Variants in NRCAM observed in about 807,000 individuals in gnomAD.
The protein encoded by NRCAM is NgCAM-related cell adhesion molecule.
A neutral mutation model predicts 156.5 loss-of-function variants in NRCAM; 83 were observed. That is an observed-to-expected ratio of 0.53 (90% CI 0.44 to 0.64). The LOEUF (loss-of-function observed/expected upper bound fraction) is 0.64. Ranked by LOEUF, NRCAM falls within the 30% of genes least tolerant of loss-of-function variation. The pLI is 0.00. For synonymous variants in NRCAM, 538 were observed against 563.9 expected (o/e 0.95, Z 0.65); for missense variants, 1,417 against 1,597.3 (o/e 0.89, Z 1.92).
At chr7:108,392,603 C>T (rs767627118) in intron 2 of NRCAM, among the ~76,000 whole-genome samples, 2 of 152,160 alleles carry the variant, frequency 1.3e-5, no homozygotes, top group Non-Finnish European at 2.9e-5. Context: ...AGCTTTGTTC[C>T]GTTGCTGGCA....
chr7:108,155,768 G>A (rs1166548818), intron 32 of NRCAM, among the ~76,000 whole-genome samples: 5 of 152,182 alleles, frequency 3.3e-5, no homozygotes, highest in African/African-American at 1.2e-4. Context: ...TAAAATAATA[G>A]AGGAGACAGT....
chr7:108,253,494 G>A (rs896394359), intron 3 of NRCAM, among the ~76,000 whole-genome samples: 3 of 152,224 alleles, frequency 2.0e-5, no homozygotes, highest in African/African-American at 7.2e-5. Context: ...GTGCCCAGAA[G>A]GGGATGAAGG....
chr7:108,407,809 A>G (rs1322435502), intron 1 of NRCAM, among the ~76,000 whole-genome samples: 1 of 152,176 alleles, frequency 6.6e-6, no homozygotes, highest in Non-Finnish European at 1.5e-5. Flanking sequence ...GTGTATGTTA[A>G]AATTTATCAA....
chr7:108,213,957 T>C (rs1563481874), intron 11 of NRCAM, among the ~76,000 whole-genome samples: 2 of 152,192 alleles, frequency 1.3e-5, no homozygotes, highest in Non-Finnish European at 2.9e-5. Flanking sequence ...GAATTGATTG[T>C]GGTGGATAAG....
At chr7:108,265,302 G>A (rs892197354) in intron 3 of NRCAM, among the ~76,000 whole-genome samples, 2 of 152,192 alleles carry the variant, frequency 1.3e-5, no homozygotes, top group Admixed American at 1.3e-4. Context: ...CCCTGGGGGA[G>A]GGCTACACTG....
chr7:108,338,240 G>A (rs1005558061), intron 2 of NRCAM, among the ~76,000 whole-genome samples: 2 of 152,214 alleles, frequency 1.3e-5, no homozygotes, highest in Non-Finnish European at 2.9e-5. Flanking sequence ...TACCTCCTGG[G>A]TCCTAACCAT....
chr7:108,290,428 A>C (rs1454764585), intron 3 of NRCAM, among the ~76,000 whole-genome samples: 2 of 152,176 alleles, frequency 1.3e-5, no homozygotes, highest in East Asian at 1.9e-4. Context: ...GATGGGAACA[A>C]CACCATTCTT....
At chr7:108,241,541 A>G (rs1314055998) in intron 3 of NRCAM, among the ~76,000 whole-genome samples, 1 of 152,172 alleles carries the variant, frequency 6.6e-6, no homozygotes, top group Non-Finnish European at 1.5e-5. Flanking sequence ...GTATGATTGT[A>G]TATTTTACGA....
chr7:108,200,626 G>A (rs2077416965), intron 13 of NRCAM, among the ~76,000 whole-genome samples: 2 of 151,986 alleles, frequency 1.3e-5, no homozygotes, highest in African/African-American at 4.8e-5. Context: ...AGCACTTCTG[G>A]TCATTATATA....
chr7:108,388,868 G>A (rs1174960540), intron 2 of NRCAM, among the ~76,000 whole-genome samples: 1 of 152,150 alleles, frequency 6.6e-6, no homozygotes, highest in Non-Finnish European at 1.5e-5. Context: ...TCAGATGGTT[G>A]TAGATATGCG....
At chr7:108,299,342 T>C (rs1391226478) in intron 3 of NRCAM, among the ~76,000 whole-genome samples, 2 of 151,704 alleles carry the variant, frequency 1.3e-5, no homozygotes, top group Non-Finnish European at 2.9e-5. Flanking sequence ...AGAGGTGGCA[T>C]GGGTTGAGGA....
chr7:108,268,814 T>G (rs116942108), intron 3 of NRCAM, among the ~76,000 whole-genome samples: 1 of 152,242 alleles, frequency 6.6e-6, no homozygotes, highest in Non-Finnish European at 1.5e-5. Flanking sequence ...ATCCAGCTCC[T>G]ATGAATGGTT....
intron 3 of NRCAM, among the ~76,000 whole-genome samples, chr7:108,263,700 C>G (rs1306387958): frequency 2.0e-5 from 3 of 152,220 alleles, no homozygotes; most frequent in Non-Finnish European, 4.4e-5. Context: ...CTCCACAGAG[C>G]CTGGCTCACA....
At chr7:108,180,819 C>T (rs892216441) in intron 24 of NRCAM, among the ~76,000 whole-genome samples, 7 of 152,150 alleles carry the variant, frequency 4.6e-5, no homozygotes, top group African/African-American at 7.2e-5. Flanking sequence ...AGAATTAATA[C>T]ATGTTCACGT....
rs1419415139 is a variant in NRCAM, at chr7:108,167,863, C to T, written c.3313+414G>A. ...CGGTTTCTTATAAAATTCTGTTGGG[C>T]TAGTCAGGGCAAAATGAATACTTTC... On this transcript the variant is annotated intron_variant, in intron 29 of 32. Transcript: ENST00000379028. 3.9e-5 allele frequency among the ~76,000 whole-genome samples: 6 copies of T among 152,218 alleles called. No individual in the cohort carries two copies. The East Asian group carries it at 1.2e-3, about 29-fold the overall frequency.
At chr7:108,376,838 G>A (rs542007191) in intron 2 of NRCAM, among the ~76,000 whole-genome samples, 1 of 152,272 alleles carries the variant, frequency 6.6e-6, no homozygotes, top group African/African-American at 2.4e-5. Flanking sequence ...CATGATCAAT[G>A]ACACTGAAAA....
chr7:108,320,752 AT>A (rs1014718620), intron 2 of NRCAM, among the ~76,000 whole-genome samples: 1 of 152,238 alleles, frequency 6.6e-6, no homozygotes, highest in African/African-American at 2.4e-5. Flanking sequence ...CACATGCAAC[AT>A]TTCTTCCCTT....
At chr7:108,430,972 TG>T (rs1563776086) in intron 1 of NRCAM, among the ~76,000 whole-genome samples, 1 of 152,204 alleles carries the variant, frequency 6.6e-6, no homozygotes, top group East Asian at 1.9e-4. Context: ...TCCAGGTGCA[TG>T]GATCATTGAG....
rs140921019 is a variant in NRCAM, at chr7:108,377,550, A to G, written c.-174+21886T>C. ...GTAATGCAATCCCAGGAGTCCCTCA[A>G]TATTATTATAGCCTTACTGGCATTC... On this transcript the variant is annotated intron_variant, in intron 2 of 32. Transcript: ENST00000379028. 5.9e-5 allele frequency among the ~76,000 whole-genome samples: 9 copies of G among 152,276 alleles called. No homozygotes were observed. In the East Asian group the frequency reaches 1.7e-3, roughly 29 times the overall value.
Sources: gnomAD v4.1 joint callset for allele counts (sites outside exome capture counted in the v4.1 genomes callset) on GRCh38, gnomAD v4.1.1 for gene constraint, MANE v1.5 for transcripts, NCBI Gene and HGNC (gene_info 2026-07-23, HGNC 2026-07-21) for gene names.